CYSLTR2: variants seen among roughly 807,000 people sequenced by gnomAD.
The protein encoded by CYSLTR2 is cysteinyl leukotriene receptor 2.
For synonymous variants in CYSLTR2, 179 were observed against 160.8 expected, an observed-to-expected ratio of 1.11 and a Z score of -0.86; for missense variants, 398 against 411.9, an observed-to-expected ratio of 0.97 and a Z score of 0.29.
intron 4 of CYSLTR2, among the ~76,000 whole-genome samples, chr13:48,699,169 AACCTAATAGACATCT>A (rs1954275192): frequency 6.6e-6 from 1 of 152,154 alleles, no homozygotes; most frequent in Admixed American, 6.5e-5. Flanking sequence ...GCGCAAAGTG[AACCTAATAGACATCT>A]ACAGAACTCT....
At chr13:48,684,540 A>G (rs556988190) in intron 1 of CYSLTR2, among the ~76,000 whole-genome samples, 1 of 152,106 alleles carries the variant, frequency 6.6e-6, no homozygotes, top group East Asian at 2.0e-4. Flanking sequence ...GATCATCCCT[A>G]CATTCATTCA....
intron 1 of CYSLTR2, among the ~76,000 whole-genome samples, chr13:48,663,436 G>A (rs1953180319): frequency 6.6e-6 from 1 of 152,060 alleles, no homozygotes; most frequent in Non-Finnish European, 1.5e-5. Flanking sequence ...GAATAGTGTT[G>A]TCATTTTGAC....
chr13:48,682,473 C>T (rs1213041417), intron 1 of CYSLTR2, among the ~76,000 whole-genome samples: 1 of 152,116 alleles, frequency 6.6e-6, no homozygotes, highest in Non-Finnish European at 1.5e-5. Context: ...ATGTGCTCCC[C>T]ATTCCAGCTA....
At chr13:48,689,385 A>G (rs930264623) in intron 1 of CYSLTR2, among the ~76,000 whole-genome samples, 14 of 152,120 alleles carry the variant, frequency 9.2e-5, no homozygotes, top group African/African-American at 3.4e-4. Flanking sequence ...TTATGATTTT[A>G]GATTTTACAT....
intron 4 of CYSLTR2, among the ~76,000 whole-genome samples, chr13:48,701,818 G>A (rs1470549828): frequency 6.6e-6 from 1 of 152,212 alleles, no homozygotes; most frequent in Non-Finnish European, 1.5e-5. Flanking sequence ...TGGTGGGACT[G>A]TAAACTAGTT....
chr13:48,695,175 A>G lies in CYSLTR2; in HGVS notation c.-102-1351A>G, dbSNP rs138579927. On this transcript the variant is annotated intron_variant, in intron 3 of 4. Coordinates refer to ENST00000682523, the MANE Select transcript of CYSLTR2 (RefSeq NM_001308476.3). ...CTTCAGCCTTGATCTCCTGGGTTCA[A>G]ATGATCCTCTCATCTCAGCCTCCTG... Among the ~76,000 whole-genome samples, 271 of 146,202 alleles carry G rather than the reference A, an allele frequency of 1.9e-3. 1 individual carries two copies. The highest frequency in any genetic ancestry group is 6.5e-3 in the African/African-American group (259 of 39,770).
At chr13:48,687,525 TATCTATCAATTATCTATC>T (rs909646321) in intron 1 of CYSLTR2, among the ~76,000 whole-genome samples, 9 of 152,262 alleles carry the variant, frequency 5.9e-5, no homozygotes, top group South Asian at 4.1e-4. Context: ...AATCATCTAT[TATCTATCAATTATCTATC>T]ATCTATCAAT....
chr13:48,664,714 T>C (rs1953217049), intron 1 of CYSLTR2, among the ~76,000 whole-genome samples: 1 of 152,046 alleles, frequency 6.6e-6, no homozygotes, highest in African/African-American at 2.4e-5. Context: ...ATTTGGTTCT[T>C]CTCTCTTTTT....
rs202137267 is a variant in CYSLTR2 at position 48,689,371 on chromosome 13, G to GT, written c.-265-1836dup. Among the ~76,000 whole-genome samples the GT allele has an allele frequency of 8.7e-3, 1,326 of 152,210 alleles. 22 individuals are homozygous for GT. The highest frequency in any genetic ancestry group is 0.03 in the African/African-American group (1,245 of 41,538). Reference sequence around the variant, plus strand: ...TGTATTGCCTAGGTTTTCTTCTAGGGTTTTTATGATTTTAGATTTTACATT... The same window carrying GT: ...TGTATTGCCTAGGTTTTCTTCTAGGGTTTTTTATGATTTTAGATTTTACATT... On this transcript the variant is annotated intron_variant, in intron 1 of 4. Coordinates refer to ENST00000682523, the MANE Select transcript of CYSLTR2 (RefSeq NM_001308476.3).
chr13:48,684,129 A>G (rs1053204407), intron 1 of CYSLTR2, among the ~76,000 whole-genome samples: 1 of 151,784 alleles, frequency 6.6e-6, no homozygotes, highest in Admixed American at 6.6e-5. Flanking sequence ...GGGTCTCACT[A>G]TGTTGGCCAG....
intron 1 of CYSLTR2, among the ~76,000 whole-genome samples, chr13:48,672,217 T>C (rs942175586): frequency 6.6e-6 from 1 of 152,174 alleles, no homozygotes; most frequent in Non-Finnish European, 1.5e-5. Context: ...ATTTTGTTAA[T>C]CTTTTCAAAA....
chr13:48,687,709 T>C (rs1237398898), intron 1 of CYSLTR2, among the ~76,000 whole-genome samples: 5 of 152,160 alleles, frequency 3.3e-5, no homozygotes, highest in Non-Finnish European at 5.9e-5. Flanking sequence ...TTTTTGGAGA[T>C]TTCTTTGCAT....
chr13:48,679,995 C>G (rs373129205), intron 1 of CYSLTR2, among the ~76,000 whole-genome samples: 1 of 152,040 alleles, frequency 6.6e-6, no homozygotes, highest in Non-Finnish European at 1.5e-5. Flanking sequence ...AGTTTTCCCC[C>G]TCTGTCTCAG....
chr13:48,695,605 G>A (rs141608674), intron 3 of CYSLTR2, among the ~76,000 whole-genome samples: 197 of 151,950 alleles, frequency 1.3e-3, no homozygotes, highest in Admixed American at 3.1e-3. Flanking sequence ...CTTAATCCCC[G>A]GCAATTACAA....
At chr13:48,674,223 A>G (rs887785609) in intron 1 of CYSLTR2, among the ~76,000 whole-genome samples, 15 of 152,170 alleles carry the variant, frequency 9.9e-5, no homozygotes, top group Admixed American at 9.2e-4. Flanking sequence ...GTGTTTCCCA[A>G]CTTAGATCCA....
rs1052172256 is a variant in CYSLTR2, at chr13:48,707,944, C to T, written c.*86C>T. ...TCCAAATGACTTTGTATTTACATCA[C>T]TCCCAACAAATGTTGATTCTTAATA... On this transcript the variant is annotated 3_prime_UTR_variant, in exon 5 of 5. Coordinates refer to ENST00000682523, the MANE Select transcript of CYSLTR2 (RefSeq NM_001308476.3). 9.0e-7 allele frequency: 1 copy of T among 1,111,956 alleles called. No homozygotes were observed. The allele number at this position is 1,111,956 out of a possible 1,614,324, so 68.9% of individuals were successfully genotyped here.
intron 4 of CYSLTR2, among the ~76,000 whole-genome samples, chr13:48,697,631 T>A (rs1461805658): frequency 6.6e-6 from 1 of 152,218 alleles, no homozygotes; most frequent in East Asian, 1.9e-4. Flanking sequence ...TGCAGCTCCT[T>A]GCCAGCAACG....
In CYSLTR2 at chr13:48,709,515, A is replaced by G. The variant is rs912277; in HGVS notation, c.*1657A>G. The G allele has an allele frequency of 0.062, 9,541 of 154,280 alleles. 388 individuals are homozygous for G. Among genetic ancestry groups the G allele is most frequent in the Middle Eastern group, 0.12 (36 of 298 alleles). The allele number at this position is 154,280 out of a possible 1,614,324, so 9.6% of individuals were successfully genotyped here. The stretch of plus-strand genomic sequence containing the variant: ...GATACAAATAGTTGAGGATCCTTCA[A>G]CACAAAAGCTGCGTGTCTGCCCTAT... On this transcript the variant is annotated 3_prime_UTR_variant, in exon 5 of 5. Transcript: ENST00000682523.
At chr13:48,657,695 C>T (rs1300428202) in intron 1 of CYSLTR2, among the ~76,000 whole-genome samples, 1 of 151,572 alleles carries the variant, frequency 6.6e-6, no homozygotes, top group Non-Finnish European at 1.5e-5. Context: ...ACGTAAGTCT[C>T]CTGCCATGAG....
Sources: gnomAD v4.1 joint callset for allele counts (sites outside exome capture counted in the v4.1 genomes callset) on GRCh38, gnomAD v4.1.1 for gene constraint, MANE v1.5 for transcripts, NCBI Gene and HGNC (gene_info 2026-07-23, HGNC 2026-07-21) for gene names.